The following AGBL1 variants were observed in gnomAD, a reference collection of about 807,000 sequenced individuals.
AGBL1 encodes the protein cytosolic carboxypeptidase 4.
In AGBL1, 130 loss-of-function variants were observed where a neutral mutation model predicts 118.9. The observed-to-expected ratio is 1.09, with a 90% confidence interval of 0.95 to 1.26. The LOEUF (loss-of-function observed/expected upper bound fraction) is 1.26. AGBL1 is among the 50% of genes most tolerant of loss of function. The probability of loss-of-function intolerance (pLI) is 0.00; values close to 1 mark genes in which losing one functional copy is unlikely to be tolerated. For missense variants in AGBL1, 1,584 were observed against 1,298.1 expected (o/e 1.22, Z -3.38); for synonymous variants, 555 against 478.9 (o/e 1.16, Z -2.08).
intron 5 of AGBL1, among the ~76,000 whole-genome samples, chr15:86,188,743 A>G (rs528394209): frequency 6.6e-6 from 1 of 152,324 alleles, no homozygotes; most frequent in South Asian, 2.1e-4. Flanking sequence ...ACATGTGCCT[A>G]CAAGATGGTA....
intron 18 of AGBL1, among the ~76,000 whole-genome samples, chr15:86,474,523 G>A (rs1296466033): frequency 6.6e-6 from 1 of 152,242 alleles, no homozygotes; most frequent in Non-Finnish European, 1.5e-5. Flanking sequence ...CAGCAAGCCT[G>A]ATGGAGGGGC....
chr15:86,315,273 T>C (rs2141832011), intron 17 of AGBL1, among the ~76,000 whole-genome samples: 1 of 152,284 alleles, frequency 6.6e-6, no homozygotes, highest in East Asian at 1.9e-4. Context: ...GGAGTCACTC[T>C]TATCTGCACT....
chr15:86,904,532 T>A (rs2080254752), intron 22 of AGBL1, among the ~76,000 whole-genome samples: 1 of 149,600 alleles, frequency 6.7e-6, no homozygotes. Flanking sequence ...CTCCTAAATT[T>A]ATATATATGT....
intron 17 of AGBL1, among the ~76,000 whole-genome samples, chr15:86,355,555 C>G (rs1250463452): frequency 1.3e-5 from 2 of 152,206 alleles, no homozygotes; most frequent in African/African-American, 2.4e-5. Flanking sequence ...AGCCTTCACC[C>G]AAGCTTTTGC....
At chr15:86,946,260 C>A (rs1398917407) in intron 23 of AGBL1, 1 of 152,176 alleles carries the variant, frequency 6.6e-6, no homozygotes, top group African/African-American at 2.4e-5. Flanking sequence ...AAGTGATGTG[C>A]TGAGCAGACT....
intron 16 of AGBL1, among the ~76,000 whole-genome samples, chr15:86,284,208 A>C (rs1013639250): frequency 6.6e-6 from 1 of 150,680 alleles, no homozygotes; most frequent in African/African-American, 2.4e-5. Context: ...AAAAAAACAA[A>C]TGGAAGACCC....
At chr15:86,221,324 G>T (rs1597578608) in intron 5 of AGBL1, among the ~76,000 whole-genome samples, 1 of 152,216 alleles carries the variant, frequency 6.6e-6, no homozygotes, top group Non-Finnish European at 1.5e-5. Context: ...GGCACTGACT[G>T]TGGGCCCCCA....
intron 24 of AGBL1, among the ~76,000 whole-genome samples, chr15:86,997,406 G>C (rs2081390352): frequency 6.6e-6 from 1 of 151,972 alleles, no homozygotes; most frequent in Non-Finnish European, 1.5e-5. Context: ...AATTTCCCCT[G>C]GCCCTAAGGA....
At chr15:86,283,847 A>G (rs114249755) in intron 16 of AGBL1, among the ~76,000 whole-genome samples, 48 of 152,300 alleles carry the variant, frequency 3.2e-4, no homozygotes, top group Non-Finnish European at 5.6e-4. Context: ...TCTGAATTCC[A>G]GGGTCTTGGG....
At chr15:86,633,885 T>C (rs1300466750) in intron 21 of AGBL1, among the ~76,000 whole-genome samples, 4 of 45,680 alleles carry the variant, frequency 8.8e-5, no homozygotes, top group Non-Finnish European at 2.7e-4. Context: ...AATGTATATA[T>C]ATATATATAA....
At chr15:86,769,171 G>GAGAGAGAGAGAGAGAGAA (rs72260009) in intron 22 of AGBL1, among the ~76,000 whole-genome samples, 10 of 118,514 alleles carry the variant, frequency 8.4e-5, no homozygotes, top group East Asian at 2.5e-4. Context: ...TTCTCATTTT[G>GAGAGAGAGAGAGAGAGAA]AGAGGGAGAG....
In AGBL1 at chr15:86,678,625, A is replaced by G. The variant is rs114279957; in HGVS notation, c.3158+4189A>G. Among the ~76,000 whole-genome samples, 938 of 152,136 alleles carry G rather than the reference A, an allele frequency of 6.2e-3. 11 individuals carry two copies. Among genetic ancestry groups the G allele is most frequent in the African/African-American group, 0.021 (875 of 41,532 alleles). On this transcript the variant is annotated intron_variant, in intron 22 of 22. Transcript: ENST00000614907. ...CACATTTTCTATATGGTTTATTGAC[A>G]TTGAATATTTTTGCTTTCAAGTAAT...
intron 17 of AGBL1, among the ~76,000 whole-genome samples, chr15:86,359,860 T>C (rs2080777378): frequency 6.6e-6 from 1 of 151,486 alleles, no homozygotes; most frequent in African/African-American, 2.4e-5. Flanking sequence ...TCAGATACTT[T>C]GTTTTTTTGT....
intron 22 of AGBL1, among the ~76,000 whole-genome samples, chr15:86,852,410 G>T (rs1277120551): frequency 2.0e-5 from 3 of 152,086 alleles, no homozygotes; most frequent in Non-Finnish European, 4.4e-5. Flanking sequence ...GATTATATTT[G>T]GGTGGGGACA....
intron 19 of AGBL1, among the ~76,000 whole-genome samples, chr15:86,533,620 C>G (rs2083380563): frequency 7.3e-6 from 1 of 136,232 alleles, no homozygotes; most frequent in Non-Finnish European, 1.5e-5. Flanking sequence ...GGGTATATAC[C>G]CAAATGACTA....
chr15:86,828,554 C>T (rs2141409751), intron 22 of AGBL1, among the ~76,000 whole-genome samples: 2 of 152,094 alleles, frequency 1.3e-5, no homozygotes. Context: ...GAAGGGGCTA[C>T]AAGCTGAATA....
intron 24 of AGBL1, among the ~76,000 whole-genome samples, chr15:87,001,154 T>C (rs930509767): frequency 5.5e-5 from 8 of 145,490 alleles, no homozygotes; most frequent in Non-Finnish European, 9.0e-5. Flanking sequence ...TTTCTAGATA[T>C]ACAATCATGT....
chr15:86,251,392 T>A (rs149954240), intron 7 of AGBL1, among the ~76,000 whole-genome samples: 2 of 152,292 alleles, frequency 1.3e-5, no homozygotes, highest in East Asian at 3.9e-4. Flanking sequence ...AGTAGGGCTC[T>A]GGTGGGGCCT....
chr15:86,256,709 G>A (rs946183530), intron 7 of AGBL1, 144 bp from the exon 8 acceptor site: 17 of 727,688 alleles, frequency 2.3e-5, no homozygotes, highest in African/African-American at 1.4e-4. Context: ...GGCTGTTTAC[G>A]GTCTGTCCAT....
Sources: gnomAD v4.1 joint callset for allele counts (sites outside exome capture counted in the v4.1 genomes callset) on GRCh38, gnomAD v4.1.1 for gene constraint, MANE v1.5 for transcripts, NCBI Gene and HGNC (gene_info 2026-07-23, HGNC 2026-07-21) for gene names.